The following ZNF555 variants were observed in gnomAD, a reference collection of about 807,000 sequenced individuals.
The protein encoded by ZNF555 is zinc finger protein 555.
In ZNF555, 10 loss-of-function variants were observed where a neutral mutation model predicts 14.0. That is an observed-to-expected ratio of 0.72 (90% CI 0.44 to 1.21). The LOEUF (loss-of-function observed/expected upper bound fraction) is 1.21. Ranked by LOEUF, ZNF555 falls within the 50% of genes most tolerant of loss-of-function variation. The pLI is 0.00. For synonymous variants in ZNF555, 277 were observed against 262.4 expected, an observed-to-expected ratio of 1.06 and a Z score of -0.54; for missense variants, 747 against 762.0, an observed-to-expected ratio of 0.98 and a Z score of 0.23.
At chr19:2,844,003 G>A (rs1170208314) in intron 1 of ZNF555, among the ~76,000 whole-genome samples, 1 of 151,842 alleles carries the variant, frequency 6.6e-6, no homozygotes, top group African/African-American at 2.4e-5. Flanking sequence ...AAAGTAGCTG[G>A]GACTGTAGGC....
chr19:2,858,876 C>T lies in ZNF555; in HGVS notation c.*4924C>T. Reference sequence around the variant, plus strand: ...ATAAGCGGGCAAACAGGCACTCCTCCTCACTGTCCAGTCACCTGACGTGCT... The same window carrying T: ...ATAAGCGGGCAAACAGGCACTCCTCTTCACTGTCCAGTCACCTGACGTGCT... On this transcript the variant is annotated 3_prime_UTR_variant, in exon 4 of 4. Transcript: ENST00000334241. The T allele has an allele frequency of 6.6e-6, 1 of 152,334 alleles. No individual in the cohort carries two copies. The highest frequency in any genetic ancestry group is 1.5e-5 in the Non-Finnish European group (1 of 68,106). The allele number at this position is 152,334 out of a possible 1,614,324, so 9.4% of individuals were successfully genotyped here.
At chr19:2,842,636 C>T (rs1384162315) in intron 1 of ZNF555, among the ~76,000 whole-genome samples, 1 of 152,206 alleles carries the variant, frequency 6.6e-6, no homozygotes, top group Non-Finnish European at 1.5e-5. Context: ...TCGTGGTAGC[C>T]TGGCCAGACT....
rs1599566816 is a variant in ZNF555 at position 2,853,234 on chromosome 19, A to G, written c.1169A>G (p.His390Arg). Residue 390 changes from histidine to arginine, a missense_variant, in exon 4 of 4, where the codon CAT becomes CGT. His to Arg is a conservative substitution (Grantham distance 29, BLOSUM62 0). Transcript: ENST00000334241. Reference sequence around the variant, plus strand: ...TCCTTTCGAAGACATGAAAGGACTCATGGTGGAGAGAAACCCTATGAATGC... The same window carrying G: ...TCCTTTCGAAGACATGAAAGGACTCGTGGTGGAGAGAAACCCTATGAATGC... ...PQSFRRHERT[H>R]GGEKPYECNQ... The G allele has an allele frequency of 1.9e-6, 3 of 1,614,166 alleles. No homozygotes were observed. Among genetic ancestry groups the G allele is most frequent in the Non-Finnish European group, 2.5e-6 (3 of 1,180,004 alleles).
intron 1 of ZNF555, chr19:2,847,350 A>G (rs1003170851): frequency 2.6e-5 from 4 of 152,170 alleles, no homozygotes; most frequent in Non-Finnish European, 5.9e-5. Context: ...GACACCAGTC[A>G]GCGGAGGGGG....
chr19:2,851,186 C>T (rs926966719), intron 2 of ZNF555, among the ~76,000 whole-genome samples: 6 of 151,796 alleles, frequency 4.0e-5, no homozygotes, highest in Non-Finnish European at 5.9e-5. Context: ...TTAGTAGAGA[C>T]GGGGTTTCAC....
intron 3 of ZNF555, 93 bp downstream of exon 3, chr19:2,851,744 C>T: frequency 8.7e-7 from 1 of 1,149,416 alleles, no homozygotes. Flanking sequence ...AAAACTCATC[C>T]AAGCCTAGCT....
chr19:2,859,876 G>A lies in ZNF555; in HGVS notation c.*5924G>A, dbSNP rs2087717566. ...TGTGCACACCTTGCCAAATGCATATGTCTGTTGAGCCTGGACATTAAGTAT... is the reference window on the plus strand; with the variant it reads ...TGTGCACACCTTGCCAAATGCATATATCTGTTGAGCCTGGACATTAAGTAT... On this transcript the variant is annotated 3_prime_UTR_variant, in exon 4 of 4. Coordinates refer to ENST00000334241, the MANE Select transcript of ZNF555 (RefSeq NM_152791.5). 6.6e-6 allele frequency: 1 copy of A among 152,252 alleles called. No homozygotes were observed. The highest frequency in any genetic ancestry group is 2.4e-5 in the African/African-American group (1 of 41,456). 9.4% of individuals were successfully genotyped at this position (152,252 alleles called of 1,614,324 possible).
In ZNF555 at chr19:2,854,663, G is replaced by A. The variant is rs918953405; in HGVS notation, c.*711G>A. Reference sequence around the variant, plus strand: ...AGATGGACAGATGCATAGGGGCTTTGTGAACATCAACCTTCAGCTTATTTT... The same window carrying A: ...AGATGGACAGATGCATAGGGGCTTTATGAACATCAACCTTCAGCTTATTTT... On this transcript the variant is annotated 3_prime_UTR_variant, in exon 4 of 4. Coordinates refer to ENST00000334241, the MANE Select transcript of ZNF555 (RefSeq NM_152791.5). 6.6e-6 allele frequency: 1 copy of A among 152,270 alleles called. No individual in the cohort carries two copies. Among genetic ancestry groups the A allele is most frequent in the Non-Finnish European group, 1.5e-5 (1 of 68,098 alleles). The allele number at this position is 152,270 out of a possible 1,614,324, so 9.4% of individuals were successfully genotyped here.
At position 2,853,074 on chromosome 19, in the gene ZNF555, G is replaced by T; in HGVS notation, c.1009G>T (p.Glu337Ter). The change falls in exon 4 of 4, where the codon GAG becomes TAG. Residue 337 changes from glutamate (E) to a stop codon, truncating the protein, a stop_gained. Coordinates refer to ENST00000334241, the MANE Select transcript of ZNF555 (RefSeq NM_152791.5). LOFTEE classifies it low-confidence loss of function (END_TRUNC). ...FRRHMITHTG[E>*]KPYECKQCGK... Reference sequence around the variant, plus strand: ...AAGACACATGATAACACACACTGGAGAGAAACCCTACGAATGCAAACAATG... The same window carrying T: ...AAGACACATGATAACACACACTGGATAGAAACCCTACGAATGCAAACAATG... 6.2e-7 allele frequency: 1 copy of T among 1,614,178 alleles called. No homozygotes were observed. Among genetic ancestry groups the T allele is most frequent in the Non-Finnish European group, 8.5e-7 (1 of 1,180,022 alleles).
rs907663136 is a variant in ZNF555, at chr19:2,859,661, C to G, written c.*5709C>G. 6.6e-6 allele frequency: 1 copy of G among 152,392 alleles called. No individual in the cohort carries two copies. The highest frequency in any genetic ancestry group is 6.6e-5 in the Admixed American group (1 of 15,254). The allele number at this position is 152,392 out of a possible 1,614,324, so 9.4% of individuals were successfully genotyped here. A position where few individuals can be genotyped will look rare whatever the true frequency, so the allele number is the denominator to read the frequency against. ...CTGTCGCAGACTCAGGCTCCCTGTT[C>G]TCAGGTTCTTATGTAGACAGTGAGG... On this transcript the variant is annotated 3_prime_UTR_variant, in exon 4 of 4. Coordinates refer to ENST00000334241, the MANE Select transcript of ZNF555 (RefSeq NM_152791.5).
Position 2,844,055 on chromosome 19 carries a change from C to CT in ZNF555, c.3+2488dup, listed in dbSNP as rs900555964. Among the ~76,000 whole-genome samples the CT allele has an allele frequency of 6.1e-5, 9 of 146,844 alleles. No homozygotes were observed. In the South Asian group the frequency reaches 1.7e-3, roughly 28 times the overall value. On this transcript the variant is annotated intron_variant, in intron 1 of 3. Transcript: ENST00000334241. Reference sequence around the variant, plus strand: ...GCCTAATCTATCTTTCTTTTCTTTTCTTTTTTTTCTTTCTCCCTCTTTCCT... The same window carrying CT: ...GCCTAATCTATCTTTCTTTTCTTTTCTTTTTTTTTCTTTCTCCCTCTTTCCT...
At chr19:2,847,330 C>A (rs1423534856) in intron 1 of ZNF555, 1 of 152,128 alleles carries the variant, frequency 6.6e-6, no homozygotes, top group Non-Finnish European at 1.5e-5. Context: ...TGACATTTTC[C>A]TCTTATAAAG....
In ZNF555 at chr19:2,856,945, A is replaced by G. The variant is rs963065356; in HGVS notation, c.*2993A>G. ...GGTGAGTTCCGGAAAAAAAGAAGAC[A>G]TGTTTGACATCCTCAAACGAGAAAA... On this transcript the variant is annotated 3_prime_UTR_variant, in exon 4 of 4. Coordinates refer to ENST00000334241, the MANE Select transcript of ZNF555 (RefSeq NM_152791.5). The G allele has an allele frequency of 3.3e-5, 5 of 152,166 alleles. No homozygotes were observed. The highest frequency in any genetic ancestry group is 1.9e-4 in the East Asian group (1 of 5,196). The allele number at this position is 152,166 out of a possible 1,614,324, so 9.4% of individuals were successfully genotyped here.
In ZNF555 at chr19:2,857,719, T is replaced by A. The variant is rs2087695317; in HGVS notation, c.*3767T>A. On this transcript the variant is annotated 3_prime_UTR_variant, in exon 4 of 4. Transcript: ENST00000334241. Reference sequence around the variant, plus strand: ...AAGACCAGGTGCAGTGGCTCATGCCTATAATCCCAGCACTTTGGGAAGCTG... The same window carrying A: ...AAGACCAGGTGCAGTGGCTCATGCCAATAATCCCAGCACTTTGGGAAGCTG... 6.6e-6 allele frequency: 1 copy of A among 152,258 alleles called. No individual in the cohort carries two copies. The highest frequency in any genetic ancestry group is 6.5e-5 in the Admixed American group (1 of 15,274). 9.4% of individuals were successfully genotyped at this position (152,258 alleles called of 1,614,324 possible).
At position 2,855,164 on chromosome 19, in the gene ZNF555, G is replaced by C. The variant is rs1390588849; in HGVS notation, c.*1212G>C. The C allele has an allele frequency of 6.6e-6, 1 of 152,272 alleles. No homozygotes were observed. Among genetic ancestry groups the C allele is most frequent in the Middle Eastern group, 3.4e-3 (1 of 294 alleles). 9.4% of individuals were successfully genotyped at this position (152,272 alleles called of 1,614,324 possible). Reference sequence around the variant, plus strand: ...GATTTAGGGAGATTTCTGTTACTCAGAACTAAATGCAGTTTCTTGATATAG... The same window carrying C: ...GATTTAGGGAGATTTCTGTTACTCACAACTAAATGCAGTTTCTTGATATAG... On this transcript the variant is annotated 3_prime_UTR_variant, in exon 4 of 4. Transcript: ENST00000334241.
chr19:2,849,759 GT>G (rs2087613434), intron 1 of ZNF555, among the ~76,000 whole-genome samples: 1 of 151,888 alleles, frequency 6.6e-6, no homozygotes, highest in Non-Finnish European at 1.5e-5. Context: ...AAGTGCTGGG[GT>G]TACAGGCATG....
rs2087689269 is a variant in ZNF555 at position 2,857,095 on chromosome 19, G to T, written c.*3143G>T. 1 of 152,098 alleles carries T rather than the reference G, an allele frequency of 6.6e-6. No individual in the cohort carries two copies. Among genetic ancestry groups the T allele is most frequent in the South Asian group, 2.1e-4 (1 of 4,818 alleles). 9.4% of individuals were successfully genotyped at this position (152,098 alleles called of 1,614,324 possible). Reference sequence around the variant, plus strand: ...CCTCTGAACTTCCAGAATTAACTAGGGAAGAGGAAAAACATGTAACACCTT... The same window carrying T: ...CCTCTGAACTTCCAGAATTAACTAGTGAAGAGGAAAAACATGTAACACCTT... On this transcript the variant is annotated 3_prime_UTR_variant, in exon 4 of 4. Coordinates refer to ENST00000334241, the MANE Select transcript of ZNF555 (RefSeq NM_152791.5).
rs2087622265 is a variant in ZNF555 at position 2,850,745 on chromosome 19, GTTA to G, written c.130+35_130+37del. ...ATGACATCATTCCTTCCTTCACGTA[GTTA>G]TTGAGAGAACAAGTATTTCTTACAC... On this transcript the variant is annotated intron_variant, in intron 2 of 3. Transcript: ENST00000334241. The G allele has an allele frequency of 2.5e-6, 4 of 1,610,092 alleles. 1 individual carries two copies. In the South Asian group the frequency reaches 4.4e-5, roughly 18 times the overall value.
At position 2,853,215 on chromosome 19, in the gene ZNF555, C is replaced by T. The variant is rs768213202; in HGVS notation, c.1150C>T (p.Arg384Ter). 11 of 1,613,892 alleles carry T rather than the reference C, an allele frequency of 6.8e-6. No individual in the cohort carries two copies. Among genetic ancestry groups the T allele is most frequent in the South Asian group, 1.1e-5 (1 of 91,072 alleles). The change falls in exon 4 of 4, where the codon CGA becomes TGA. Residue 384 changes from arginine (R) to a stop codon, truncating the protein, a stop_gained. Coordinates refer to ENST00000334241, the MANE Select transcript of ZNF555 (RefSeq NM_152791.5). LOFTEE classifies it low-confidence loss of function (END_TRUNC). ...GACCTTCATTTATCCCCAGTCCTTT[C>T]GAAGACATGAAAGGACTCATGGTGG... ...GKTFIYPQSFRRHERTHGGEK... is the reference protein window; with the variant it reads ...GKTFIYPQSF
Sources: allele counts gnomAD v4.1 joint callset (sites outside exome capture counted in the v4.1 genomes callset), GRCh38; gene constraint gnomAD v4.1.1; transcripts MANE v1.5; gene names NCBI Gene and HGNC (gene_info 2026-07-23, HGNC 2026-07-21).